The following SETD6 variants were observed in gnomAD, a reference collection of about 807,000 sequenced individuals.
The protein encoded by SETD6 is N-lysine methyltransferase SETD6.
SETD6 carries 67 observed loss-of-function variants against 52.7 expected under a neutral mutation model. The observed-to-expected ratio is 1.27, with a 90% CI of 1.04 to 1.56. The LOEUF (loss-of-function observed/expected upper bound fraction) is 1.56, where lower values mean the gene tolerates loss of function less well. Ranked by LOEUF, SETD6 falls within the 40% of genes most tolerant of loss-of-function variation. The pLI is 0.00. For synonymous variants in SETD6, 307 were observed against 250.2 expected, an observed-to-expected ratio of 1.23 and a Z score of -2.14; for missense variants, 712 against 607.5, an observed-to-expected ratio of 1.17 and a Z score of -1.81.
chr16:58,518,830 T>TCAAAG lies in SETD6; in HGVS notation c.1226_1230dup (p.Ser411LysfsTer14), dbSNP rs1259853504. 6.2e-7 allele frequency: 1 copy of TCAAAG among 1,614,136 alleles called. No homozygotes were observed. The highest frequency in any genetic ancestry group is 1.7e-5 in the Admixed American group (1 of 60,014). On this transcript the variant is annotated frameshift_variant, in exon 8 of 8. Coordinates refer to ENST00000219315, the MANE Select transcript of SETD6 (RefSeq NM_001160305.4). LOFTEE classifies it high-confidence loss of function. ...CTGACGATCACAAATATTCCCAAGC[T>TCAAAG]CAAAGCATCGTGGAGACAGCTGCTT...
chr16:58,518,264 G>A lies in SETD6; in HGVS notation c.973+33G>A, dbSNP rs769516984. On this transcript the variant is annotated intron_variant, in intron 6 of 7. Transcript: ENST00000219315. Reference sequence around the variant, plus strand: ...TATCATTAACTCAATATTTGACACTGATGGTGTGTCTATACCCATGCCTCA... The same window carrying A: ...TATCATTAACTCAATATTTGACACTAATGGTGTGTCTATACCCATGCCTCA... 3 of 1,613,026 alleles carry A rather than the reference G, an allele frequency of 1.9e-6. No individual in the cohort carries two copies. The South Asian group carries it at 3.3e-5, about 18-fold the overall frequency.
intron 6 of SETD6, 44 bp downstream of exon 6, chr16:58,518,275 T>C: frequency 1.2e-6 from 2 of 1,610,634 alleles, no homozygotes; most frequent in Non-Finnish European, 1.7e-6. Flanking sequence ...ATGGTGTGTC[T>C]ATACCCATGC....
intron 5 of SETD6, chr16:58,517,290 G>A (rs978080729): frequency 2.1e-5 from 7 of 338,872 alleles, no homozygotes; most frequent in African/African-American, 1.5e-4. Context: ...GGAGGGATGA[G>A]GACATTCACA....
chr16:58,515,852 G>T lies in SETD6; in HGVS notation c.89G>T (p.Arg30Leu). The T allele has an allele frequency of 6.5e-7, 1 of 1,527,288 alleles. No individual in the cohort carries two copies. 94.6% of individuals were successfully genotyped at this position (1,527,288 alleles called of 1,614,324 possible). ...GTGGCCTGCTTCCTGAGCTGGTGCC[G>T]GCGGGTGGGGCTGGAGCTGAGTCCC... Reference protein sequence around the residue: ...DPVACFLSWCRRVGLELSPKV... With the variant: ...DPVACFLSWCLRVGLELSPKV... Residue 30 changes from arginine (R) to leucine (L), a missense_variant, in exon 2 of 8, where the codon CGG becomes CTG. Arg to Leu is a moderately radical substitution (Grantham distance 102, BLOSUM62 -2). Transcript: ENST00000219315.
Position 58,521,311 on chromosome 16 carries a change from G to C in SETD6, c.*2282G>C, listed in dbSNP as rs745628212. On this transcript the variant is annotated 3_prime_UTR_variant, in exon 8 of 8. Transcript: ENST00000219315. ...GCCTATTTACAATCAACCGTTCCAA[G>C]AGAACTCTGGAAAAAGGGAGAAAGA... 1 of 1,603,152 alleles carries C rather than the reference G, an allele frequency of 6.2e-7. No individual in the cohort carries two copies. The highest frequency in any genetic ancestry group is 8.5e-7 in the Non-Finnish European group (1 of 1,177,416).
rs375710465 is a variant in SETD6 at position 58,516,731 on chromosome 16, A to G, written c.671+59A>G. The G allele has an allele frequency of 2.9e-5, 46 of 1,609,642 alleles. No individual in the cohort carries two copies. The South Asian group carries it at 3.3e-4, about 12-fold the overall frequency. ...TTTCTTTACAACTCTATAGAGGGAC[A>G]AAAGTGGAAAAACAGTGAAATCCAC... On this transcript the variant is annotated intron_variant, in intron 4 of 7. Transcript: ENST00000219315.
Position 58,519,971 on chromosome 16 carries a change from G to C in SETD6, c.*942G>C, listed in dbSNP as rs2039306128. 6.6e-6 allele frequency: 1 copy of C among 152,186 alleles called. No individual in the cohort carries two copies. Among genetic ancestry groups the C allele is most frequent in the African/African-American group, 2.4e-5 (1 of 41,426 alleles). 9.4% of individuals were successfully genotyped at this position (152,186 alleles called of 1,614,324 possible). A position where few individuals can be genotyped will look rare whatever the true frequency, so the allele number is the denominator to read the frequency against. The stretch of plus-strand genomic sequence containing the variant: ...TCATGTGTGTGTCATGACTTTAATG[G>C]TTAGCTACAGTATGCATACACATAC... On this transcript the variant is annotated 3_prime_UTR_variant, in exon 8 of 8. Transcript: ENST00000219315.
In SETD6 at chr16:58,520,441, A is replaced by G. The variant is rs2039330306; in HGVS notation, c.*1412A>G. 1 of 159,824 alleles carries G rather than the reference A, an allele frequency of 6.3e-6. No individual in the cohort carries two copies. The highest frequency in any genetic ancestry group is 2.4e-5 in the African/African-American group (1 of 41,562). 9.9% of individuals were successfully genotyped at this position (159,824 alleles called of 1,614,324 possible). ...GTGAGCCCTTCCCATGTTCCTGGAC[A>G]TATCCAATTCTAGCACATCCACATT... is the stretch of plus-strand genomic sequence containing the variant. On this transcript the variant is annotated 3_prime_UTR_variant, in exon 8 of 8. Coordinates refer to ENST00000219315, the MANE Select transcript of SETD6 (RefSeq NM_001160305.4).
rs1567381129 is a variant in SETD6, at chr16:58,521,090, C to CT, written c.*2061_*2062insT. 9.9e-6 allele frequency: 16 copies of CT among 1,613,372 alleles called. No homozygotes were observed. Among genetic ancestry groups the CT allele is most frequent in the Non-Finnish European group, 2.5e-6 (3 of 1,179,506 alleles). On this transcript the variant is annotated 3_prime_UTR_variant, in exon 8 of 8. Coordinates refer to ENST00000219315, the MANE Select transcript of SETD6 (RefSeq NM_001160305.4). ...TGATTAAAGAGTAGGCCTAACAATA[C>CT]CTTGCATCTCATTCAGCTGACCCAA...
In SETD6 at chr16:58,523,305, G is replaced by GGA; in HGVS notation, c.*4276_*4277insGA. Reference sequence around the variant, plus strand: ...CACTGAACACTGAAAGCATAAAGAGGAAAAAAAAAAGATGAAAGGGAGGAG... The same window carrying GGA: ...CACTGAACACTGAAAGCATAAAGAGGGAAAAAAAAAAAGATGAAAGGGAGGAG... On this transcript the variant is annotated 3_prime_UTR_variant, in exon 8 of 8. Transcript: ENST00000219315. 1 of 1,340,130 alleles carries GGA rather than the reference G, an allele frequency of 7.5e-7. No homozygotes were observed. Among genetic ancestry groups the GGA allele is most frequent in the Non-Finnish European group, 1.0e-6 (1 of 1,000,756 alleles). 83.0% of individuals were successfully genotyped at this position (1,340,130 alleles called of 1,614,324 possible). A position where few individuals can be genotyped will look rare whatever the true frequency, so the allele number is the denominator to read the frequency against.
rs143244239 is a variant in SETD6 at position 58,518,516 on chromosome 16, T to C, written c.1089T>C (p.Thr363=). The C allele has an allele frequency of 2.0e-3, 3,244 of 1,594,156 alleles. 5 individuals carry two copies. The highest frequency in any genetic ancestry group is 2.2e-3 in the Non-Finnish European group (2,620 of 1,175,594). ...AFVIGREEVL[T]EEELTTTLKV... is the part of the protein sequence containing the mutation. Reference sequence around the variant, plus strand: ...TGATAGGGAGGGAGGAGGTGCTGACTGAAGAGGAGCTGACCACCACACTAA... The same window carrying C: ...TGATAGGGAGGGAGGAGGTGCTGACCGAAGAGGAGCTGACCACCACACTAA... Residue 363 remains threonine, a synonymous_variant, in exon 7 of 8, where the codon ACT becomes ACC. Transcript: ENST00000219315.
rs2039443463 is a variant in SETD6, at chr16:58,522,620, ATTCCTAACTATT to A, written c.*3592_*3603del. 6.6e-6 allele frequency among the ~76,000 whole-genome samples: 1 copy of A among 152,202 alleles called. No individual in the cohort carries two copies. The highest frequency in any genetic ancestry group is 1.5e-5 in the Non-Finnish European group (1 of 68,036). On this transcript the variant is annotated 3_prime_UTR_variant, in exon 8 of 8. Transcript: ENST00000219315. ...TGTAGTCTAGGCAATCTGGCAACAG[ATTCCTAACTATT>A]GTTAGGAAAATGCAAGTATGATCCT...
chr16:58,520,888 T>C lies in SETD6; in HGVS notation c.*1859T>C. ...AAGTCAGGAAGAGCTGAAAGGATTC[T>C]TCAGTCAGTTTATGAACTCGGTGCA... is the stretch of plus-strand genomic sequence containing the variant. On this transcript the variant is annotated 3_prime_UTR_variant, in exon 8 of 8. Coordinates refer to ENST00000219315, the MANE Select transcript of SETD6 (RefSeq NM_001160305.4). 6.7e-7 allele frequency: 1 copy of C among 1,488,574 alleles called. No homozygotes were observed. 92.2% of individuals were successfully genotyped at this position (1,488,574 alleles called of 1,614,324 possible).
intron 5 of SETD6, chr16:58,517,609 G>A (rs2039210854): frequency 4.9e-6 from 1 of 205,720 alleles, no homozygotes; most frequent in South Asian, 7.9e-5. Context: ...CGAGTAGTTG[G>A]AATTACAGGC....
chr16:58,516,144 C>CGGGGCGGGGA, intron 2 of SETD6, 47 bp downstream of exon 2: 4 of 357,684 alleles, frequency 1.1e-5, no homozygotes, highest in Non-Finnish European at 1.5e-5. Context: ...CGGGGCGGGG[C>CGGGGCGGGGA]GGGGCGGGCC....
rs755603950 is a variant in SETD6 at position 58,518,909 on chromosome 16, C to T, written c.1302C>T (p.Asp434=). Residue 434 remains aspartate (D), a synonymous_variant, in exon 8 of 8, where the codon GAC becomes GAT. Coordinates refer to ENST00000219315, the MANE Select transcript of SETD6 (RefSeq NM_001160305.4). ...CCTATGCCACAGACTTAAAAACTGA[C>T]CAAGGTTTACTCAGTAATAAGGAAG... ...LQTYATDLKT[D]QGLLSNKEVY... 5 of 1,614,026 alleles carry T rather than the reference C, an allele frequency of 3.1e-6. No homozygotes were observed. In the African/African-American group the frequency reaches 5.3e-5, roughly 17 times the overall value.
rs2039107171 is a variant in SETD6, at chr16:58,515,817, C to T, written c.54C>T (p.Asp18=). The change falls in exon 2 of 8, where the codon GAC becomes GAT. Residue 18 remains aspartate (D), a synonymous_variant. Transcript: ENST00000219315. The part of the protein sequence containing the change: ...PRVAGPVDGG[D]LDPVACFLSW... ...TGGCGGGGCCCGTGGACGGCGGCGA[C>T]CTGGATCCTGTGGCCTGCTTCCTGA... The T allele has an allele frequency of 1.3e-6, 2 of 1,533,600 alleles. No individual in the cohort carries two copies. Among genetic ancestry groups the T allele is most frequent in the Non-Finnish European group, 8.7e-7 (1 of 1,149,392 alleles). The allele number at this position is 1,533,600 out of a possible 1,614,324, so 95.0% of individuals were successfully genotyped here. A position where few individuals can be genotyped will look rare whatever the true frequency, so the allele number is the denominator to read the frequency against.
Position 58,521,161 on chromosome 16 carries a change from T to A in SETD6, c.*2132T>A. 1 of 1,612,928 alleles carries A rather than the reference T, an allele frequency of 6.2e-7. No individual in the cohort carries two copies. The highest frequency in any genetic ancestry group is 8.5e-7 in the Non-Finnish European group (1 of 1,179,710). Reference sequence around the variant, plus strand: ...AGTCTCCAGTCTCATTCCTAGACAATTAAAAATTACTTTGAACTCACTTTT... The same window carrying A: ...AGTCTCCAGTCTCATTCCTAGACAAATAAAAATTACTTTGAACTCACTTTT... On this transcript the variant is annotated 3_prime_UTR_variant, in exon 8 of 8. Coordinates refer to ENST00000219315, the MANE Select transcript of SETD6 (RefSeq NM_001160305.4).
chr16:58,523,580 T>A lies in SETD6; in HGVS notation c.*4551T>A. On this transcript the variant is annotated 3_prime_UTR_variant, in exon 8 of 8. Coordinates refer to ENST00000219315, the MANE Select transcript of SETD6 (RefSeq NM_001160305.4). ...AAGACAGTTCTAACTGGCTAGGGTT[T>A]GGGTTTCTGACAGAGGCTTTCAAAT... The A allele has an allele frequency of 1.0e-5, 14 of 1,401,024 alleles. No homozygotes were observed. Among genetic ancestry groups the A allele is most frequent in the Non-Finnish European group, 1.4e-5 (14 of 1,024,416 alleles). The allele number at this position is 1,401,024 out of a possible 1,614,324, so 86.8% of individuals were successfully genotyped here.
Sources: gnomAD v4.1 joint callset for allele counts (sites outside exome capture counted in the v4.1 genomes callset) on GRCh38, gnomAD v4.1.1 for gene constraint, MANE v1.5 for transcripts, NCBI Gene and HGNC (gene_info 2026-07-23, HGNC 2026-07-21) for gene names.